RTL4: variants seen among roughly 807,000 people sequenced by gnomAD.
RTL4 encodes the protein retrotransposon Gag like 4, also known as retrotransposon Gag-like protein 4.
Under a neutral mutation model 5.3 loss-of-function variants are expected in RTL4, and 4 were observed. That is an observed-to-expected ratio of 0.75 (90% confidence interval 0.37 to 1.72). The LOEUF (loss-of-function observed/expected upper bound fraction) is 1.72. Ranked by LOEUF, RTL4 falls within the 40% of genes most tolerant of loss-of-function variation. The pLI, the probability that RTL4 is intolerant of heterozygous loss-of-function variation, is 0.04. For missense variants in RTL4, 260 were observed against 227.1 expected (o/e 1.14, Z -0.93); for synonymous variants, 98 against 87.3 (o/e 1.12, Z -0.68).
chrX:112,369,406 C>A, the RTL4 span, among the ~76,000 whole-genome samples: 1 of 111,358 alleles, frequency 9.0e-6, no homozygotes, highest in Non-Finnish European at 1.9e-5. Flanking sequence ...GAATTCAACC[C>A]CAGGCCATCT....
At chrX:112,351,847 G>C in the RTL4 span, among the ~76,000 whole-genome samples, 1 of 111,331 alleles carries the variant, frequency 9.0e-6, no homozygotes, top group Non-Finnish European at 1.9e-5. Flanking sequence ...TCTTTTAATT[G>C]GAGTATTTAG....
the RTL4 span, among the ~76,000 whole-genome samples, chrX:112,352,022 T>C: frequency 3.0e-4 from 33 of 111,718 alleles, no homozygotes; most frequent in African/African-American, 1.1e-3. Flanking sequence ...TTCCTTTCCA[T>C]GTTTAGTGTT....
At chrX:112,187,588 G>C in the RTL4 span, among the ~76,000 whole-genome samples, 3 of 111,746 alleles carry the variant, frequency 2.7e-5, no homozygotes. Context: ...GTTAGGACCC[G>C]ATATGCCATA....
At chrX:112,262,944 A>C in the RTL4 span, among the ~76,000 whole-genome samples, 1 of 94,402 alleles carries the variant, frequency 1.1e-5, no homozygotes, top group Non-Finnish European at 2.1e-5. Context: ...TATCGCAAGG[A>C]CAAACACCAA....
chrX:112,372,951 A>T, the RTL4 span, among the ~76,000 whole-genome samples: 3 of 111,201 alleles, frequency 2.7e-5, no homozygotes, highest in Non-Finnish European at 5.7e-5. Context: ...CACTCTTTTG[A>T]GTATTTATTT....
chrX:112,439,506 T>C, the RTL4 span, among the ~76,000 whole-genome samples: 1 of 111,822 alleles, frequency 8.9e-6, no homozygotes, highest in Admixed American at 9.5e-5. Flanking sequence ...ACTTTATGTT[T>C]TGAGATGATA....
chrX:112,131,224 T>TG, the RTL4 span, among the ~76,000 whole-genome samples: 1 of 110,413 alleles, frequency 9.1e-6, no homozygotes, highest in East Asian at 2.8e-4. Flanking sequence ...AATACCTTTT[T>TG]TTTTTTTTAC....
the RTL4 span, among the ~76,000 whole-genome samples, chrX:112,323,403 GC>G: frequency 4.3e-4 from 48 of 111,536 alleles, no homozygotes; most frequent in Non-Finnish European, 8.3e-4. Flanking sequence ...TCTTTTATCA[GC>G]ATTACACATT....
the RTL4 span, among the ~76,000 whole-genome samples, chrX:112,405,442 G>A: frequency 3.6e-5 from 4 of 111,982 alleles, no homozygotes; most frequent in African/African-American, 9.7e-5. Context: ...CAAATGCAGG[G>A]CAAATATTAT....
At chrX:112,241,338 A>C in the RTL4 span, among the ~76,000 whole-genome samples, 1 of 111,402 alleles carries the variant, frequency 9.0e-6, no homozygotes, top group African/African-American at 3.3e-5. Context: ...ATTTCTCCAC[A>C]TCCTCTCCAG....
At chrX:112,340,684 G>A in the RTL4 span, among the ~76,000 whole-genome samples, 3 of 109,416 alleles carry the variant, frequency 2.7e-5, no homozygotes, top group African/African-American at 1.0e-4. Flanking sequence ...TCAATTCACA[G>A]AGCATTTTTC....
the RTL4 span, among the ~76,000 whole-genome samples, chrX:112,308,357 C>G: frequency 9.0e-6 from 1 of 111,581 alleles, no homozygotes; most frequent in Middle Eastern, 4.6e-3. Flanking sequence ...TCCCACTACC[C>G]TAATGAATAA....
chrX:112,361,883 G>A, the RTL4 span, among the ~76,000 whole-genome samples: 7 of 111,536 alleles, frequency 6.3e-5, no homozygotes, highest in Middle Eastern at 4.6e-3. Flanking sequence ...TTCAGCAAAA[G>A]AGGATGGACC....
At chrX:112,383,003 CT>C in the RTL4 span, among the ~76,000 whole-genome samples, 110 of 111,513 alleles carry the variant, frequency 9.9e-4, 1 homozygote, top group African/African-American at 3.4e-3. Context: ...ATTTGGACAA[CT>C]TTTTTTTAAG....
At chrX:112,201,784 G>T in the RTL4 span, among the ~76,000 whole-genome samples, 1 of 110,996 alleles carries the variant, frequency 9.0e-6, no homozygotes, top group African/African-American at 3.3e-5. Flanking sequence ...TTTTATTTGG[G>T]GATAATTGAA....
At chrX:112,261,585 A>G in the RTL4 span, among the ~76,000 whole-genome samples, 1 of 112,054 alleles carries the variant, frequency 8.9e-6, no homozygotes, top group African/African-American at 3.2e-5. Context: ...CATGGATAGG[A>G]AGAATCAATA....
At chrX:112,389,846 C>T in the RTL4 span, among the ~76,000 whole-genome samples, 12 of 106,565 alleles carry the variant, frequency 1.1e-4, no homozygotes, top group Non-Finnish European at 1.9e-4. Context: ...AGAGTGTGTG[C>T]CATATGGTGA....
chrX:112,449,392 T>C, the RTL4 span, among the ~76,000 whole-genome samples: 3 of 111,424 alleles, frequency 2.7e-5, no homozygotes, highest in Non-Finnish European at 5.6e-5. Context: ...GCAATGCACA[T>C]ATCATGCACC....
the RTL4 span, among the ~76,000 whole-genome samples, chrX:112,336,105 T>G: frequency 9.0e-6 from 1 of 111,496 alleles, no homozygotes; most frequent in African/African-American, 3.3e-5. Context: ...AAAATCTTTA[T>G]TTTTAATTGC....
Sources: gnomAD v4.1 joint callset for allele counts (sites outside exome capture counted in the v4.1 genomes callset) on GRCh38, gnomAD v4.1.1 for gene constraint, MANE v1.5 for transcripts, NCBI Gene and HGNC (gene_info 2026-07-23, HGNC 2026-07-21) for gene names.